TLR10: variants seen among roughly 807,000 people sequenced by gnomAD.
TLR10 encodes toll like receptor 10, also known as toll-like receptor 10.
For missense variants in TLR10, 929 were observed against 932.9 expected, an observed-to-expected ratio of 1.00 and a Z score of 0.05; for synonymous variants, 288 against 338.8, an observed-to-expected ratio of 0.85 and a Z score of 1.65.
intron 1 of TLR10, among the ~76,000 whole-genome samples, chr4:38,777,815 G>T (rs1183876539): frequency 6.6e-6 from 1 of 152,170 alleles, no homozygotes; most frequent in Non-Finnish European, 1.5e-5. Context: ...GCTGGAGAGG[G>T]TGTAGAGAAA....
rs1724731967 is a variant in TLR10 at position 38,773,070 on chromosome 4, A to G, written c.*85T>C. Reference sequence around the variant, plus strand: ...ATAACCATTTTTTATTTTAATAAATATTGTCAAATTGCCATCATAAAGGTT... The same window carrying G: ...ATAACCATTTTTTATTTTAATAAATGTTGTCAAATTGCCATCATAAAGGTT... On this transcript the variant is annotated 3_prime_UTR_variant, in exon 4 of 4. Coordinates refer to ENST00000308973, the MANE Select transcript of TLR10 (RefSeq NM_030956.4). 2 of 1,261,212 alleles carry G rather than the reference A, an allele frequency of 1.6e-6. No individual in the cohort carries two copies. The highest frequency in any genetic ancestry group is 1.0e-6 in the Non-Finnish European group (1 of 959,314). The allele number at this position is 1,261,212 out of a possible 1,614,324, so 78.1% of individuals were successfully genotyped here.
chr4:38,772,830 C>CCAGGA lies in TLR10; in HGVS notation c.*320_*324dup, dbSNP rs1361633872. On this transcript the variant is annotated 3_prime_UTR_variant, in exon 4 of 4. Transcript: ENST00000308973. Reference sequence around the variant, plus strand: ...TAGAGACAGGGTTTCACCATGTTGGCCAGGATGGTCTCCATCTCTTGACCT... The same window carrying CCAGGA: ...TAGAGACAGGGTTTCACCATGTTGGCCAGGACAGGATGGTCTCCATCTCTTGACCT... 2 of 162,870 alleles carry CCAGGA rather than the reference C, an allele frequency of 1.2e-5. No individual in the cohort carries two copies. The highest frequency in any genetic ancestry group is 3.5e-4 in the East Asian group (2 of 5,720). 10.1% of individuals were successfully genotyped at this position (162,870 alleles called of 1,614,324 possible).
Position 38,772,934 on chromosome 4 carries a change from T to G in TLR10, c.*221A>C. 1 of 353,470 alleles carries G rather than the reference T, an allele frequency of 2.8e-6. No individual in the cohort carries two copies. The allele number at this position is 353,470 out of a possible 1,614,324, so 21.9% of individuals were successfully genotyped here. Reference sequence around the variant, plus strand: ...CTGCACCTGGCCACATTTTTCATGATTATAAACAATCCTGGGATGAACACC... The same window carrying G: ...CTGCACCTGGCCACATTTTTCATGAGTATAAACAATCCTGGGATGAACACC... On this transcript the variant is annotated 3_prime_UTR_variant, in exon 4 of 4. Coordinates refer to ENST00000308973, the MANE Select transcript of TLR10 (RefSeq NM_030956.4).
In TLR10 at chr4:38,779,693, T is replaced by A. The variant is rs187288918; in HGVS notation, c.-569+3228A>T. Among the ~76,000 whole-genome samples the A allele has an allele frequency of 9.4e-4, 143 of 152,364 alleles. 1 individual carries two copies. Among genetic ancestry groups the A allele is most frequent in the South Asian group, 7.7e-3 (37 of 4,834 alleles). The stretch of plus-strand genomic sequence containing the variant: ...ATCCAATGTATAATGATAAACTTTA[T>A]ATTTTCTTTCAGTTTTCTTAAAACT... On this transcript the variant is annotated intron_variant, in intron 1 of 3. Coordinates refer to ENST00000308973, the MANE Select transcript of TLR10 (RefSeq NM_030956.4).
At chr4:38,779,955 T>C (rs1160301236) in intron 1 of TLR10, among the ~76,000 whole-genome samples, 1 of 152,212 alleles carries the variant, frequency 6.6e-6, no homozygotes, top group East Asian at 1.9e-4. Flanking sequence ...GCTTGTTGAA[T>C]GCACATATGA....
Position 38,775,091 on chromosome 4 carries a change from A to C in TLR10, c.500T>G (p.Leu167Arg). The change falls in exon 4 of 4, where the codon CTA (leucine) becomes CGA (arginine). Residue 167 changes from leucine to arginine, a missense_variant. Leu to Arg is a moderately radical substitution (Grantham distance 102). Transcript: ENST00000308973. The stretch of plus-strand genomic sequence containing the variant: ...TCTGAATCCTAAGAAGACAGTATTT[A>C]GATGCAGATGAGCAATTTTCTGGAA... ...SDFQKIAHLH[L>R]NTVFLGFRTL... The C allele has an allele frequency of 6.2e-7, 1 of 1,613,088 alleles. No homozygotes were observed. Among genetic ancestry groups the C allele is most frequent in the Non-Finnish European group, 8.5e-7 (1 of 1,180,002 alleles).
Position 38,775,646 on chromosome 4 carries a change from C to T in TLR10, c.-56G>A. ...CTCATATGAATGATGAAGATGAGCT[C>T]AAAACCCTAAAAAAAAGTATATAAT... On this transcript the variant is annotated 5_prime_UTR_variant, in exon 4 of 4. Coordinates refer to ENST00000308973, the MANE Select transcript of TLR10 (RefSeq NM_030956.4). The T allele has an allele frequency of 6.9e-7, 1 of 1,459,724 alleles. No homozygotes were observed. The highest frequency in any genetic ancestry group is 1.4e-5 in the African/African-American group (1 of 70,158). 90.4% of individuals were successfully genotyped at this position (1,459,724 alleles called of 1,614,324 possible).
chr4:38,782,516 C>A (rs1039612756), intron 1 of TLR10, among the ~76,000 whole-genome samples: 3 of 152,168 alleles, frequency 2.0e-5, no homozygotes, highest in African/African-American at 7.2e-5. Flanking sequence ...AAACAGGTAA[C>A]ACAAATGCAG....
rs1724974886 is a variant in TLR10, at chr4:38,775,209, C to T, written c.382G>A (p.Asp128Asn). 1 of 1,612,698 alleles carries T rather than the reference C, an allele frequency of 6.2e-7. No individual in the cohort carries two copies. Among genetic ancestry groups the T allele is most frequent in the South Asian group, 1.1e-5 (1 of 90,732 alleles). ...GLRYLDLSFN[D>N]FDTMPICEEA... ...TCACAGATAGGCATGGTGTCAAAGTCATTAAAAGAAAGATCTAAATACCTG... is the reference window on the plus strand; with the variant it reads ...TCACAGATAGGCATGGTGTCAAAGTTATTAAAAGAAAGATCTAAATACCTG... The change falls in exon 4 of 4, where the codon GAC (aspartate) becomes AAC (asparagine). Residue 128 changes from aspartate to asparagine, a missense_variant. Physicochemically the swap from Asp to Asn is conservative, Grantham distance 23. Coordinates refer to ENST00000308973, the MANE Select transcript of TLR10 (RefSeq NM_030956.4).
rs561684981 is a variant in TLR10, at chr4:38,774,528, A to C, written c.1063T>G (p.Phe355Val). 6.3e-7 allele frequency: 1 copy of C among 1,583,686 alleles called. No homozygotes were observed. The highest frequency in any genetic ancestry group is 2.2e-5 in the East Asian group (1 of 44,640). Residue 355 changes from phenylalanine to valine, a missense_variant, in exon 4 of 4, where the codon TTT becomes GTT. By Grantham distance (50) the Phe-to-Val change is conservative (BLOSUM62 -1). Coordinates refer to ENST00000308973, the MANE Select transcript of TLR10 (RefSeq NM_030956.4). The part of the protein sequence containing the change: ...NYPTKFQYLN[F>V]ANNILTDELF... ...TCGTCTGTTAAGATATTATTGGCAA[A>C]ATTTAAATATTGGAATTTCGTAGGA... is the stretch of plus-strand genomic sequence containing the variant.
In TLR10 at chr4:38,773,361, T is replaced by A; in HGVS notation, c.2230A>T (p.Lys744Ter). ...TTTTTTTCCAGGAGAGCTTTCAGTT[T>A]ATGATACCTGGTGGGAATGCAATAG... ...PFYCIPTRYH[K>*]LKALLEKKAY... The change falls in exon 4 of 4, where the codon AAA (lysine) becomes TAA (stop). Residue 744 changes from lysine (K) to a stop codon, truncating the protein, a stop_gained. Transcript: ENST00000308973. LOFTEE classifies it low-confidence loss of function (END_TRUNC). 6.2e-7 allele frequency: 1 copy of A among 1,614,114 alleles called. No homozygotes were observed. The highest frequency in any genetic ancestry group is 8.5e-7 in the Non-Finnish European group (1 of 1,180,010).
intron 1 of TLR10, among the ~76,000 whole-genome samples, chr4:38,780,796 A>G (rs985062736): frequency 6.6e-6 from 1 of 152,242 alleles, no homozygotes; most frequent in African/African-American, 2.4e-5. Flanking sequence ...CAGGATCAGT[A>G]TTGCTGATTG....
At chr4:38,782,808 C>T (rs992881170) in intron 1 of TLR10, 113 bp downstream of exon 1, 2 of 152,198 alleles carry the variant, frequency 1.3e-5, no homozygotes, top group African/African-American at 4.8e-5. Flanking sequence ...ATCTAAATAA[C>T]CCTACTTCCC....
In TLR10 at chr4:38,774,976, A is replaced by G; in HGVS notation, c.615T>C (p.Val205=). ...AAGTCTTGATTCCATCACGCAAAAGAACCCAGAAATTTGTGTCCATTGGTA... is the reference window on the plus strand; with the variant it reads ...AAGTCTTGATTCCATCACGCAAAAGGACCCAGAAATTTGTGTCCATTGGTA... The part of the protein sequence containing the change: ...IVLPMDTNFW[V]LLRDGIKTSK... Residue 205 remains valine (V), a synonymous_variant, in exon 4 of 4, where the codon GTT becomes GTC. Coordinates refer to ENST00000308973, the MANE Select transcript of TLR10 (RefSeq NM_030956.4). 1 of 1,613,536 alleles carries G rather than the reference A, an allele frequency of 6.2e-7. No homozygotes were observed. The highest frequency in any genetic ancestry group is 8.5e-7 in the Non-Finnish European group (1 of 1,179,862).
chr4:38,782,399 C>G (rs1302252647), intron 1 of TLR10, among the ~76,000 whole-genome samples: 1 of 152,200 alleles, frequency 6.6e-6, no homozygotes, highest in Non-Finnish European at 1.5e-5. Flanking sequence ...AGGTTGTTAA[C>G]CATCCTCTTC....
In TLR10 at chr4:38,774,404, T is replaced by C. The variant is rs1462205355; in HGVS notation, c.1187A>G (p.Asn396Ser). ...CAGATCCAAGTGTTCCAAGGGTGTG[T>C]TGTTAGCAAAGCAACTTACTAAAGA... Reference protein sequence around the residue: ...TLSLVSCFANNTPLEHLDLSQ... With the variant: ...TLSLVSCFANSTPLEHLDLSQ... The change falls in exon 4 of 4, where the codon AAC becomes AGC. Residue 396 changes from asparagine to serine, a missense_variant. Asn to Ser is a conservative substitution (Grantham distance 46). Transcript: ENST00000308973. The C allele has an allele frequency of 1.2e-6, 2 of 1,613,348 alleles. No individual in the cohort carries two copies. The highest frequency in any genetic ancestry group is 4.5e-5 in the East Asian group (2 of 44,870).
chr4:38,777,229 TCTTCATG>T (rs1344137664), intron 1 of TLR10, among the ~76,000 whole-genome samples: 1 of 152,180 alleles, frequency 6.6e-6, no homozygotes, highest in African/African-American at 2.4e-5. Flanking sequence ...CTGATAGTGA[TCTTCATG>T]CAGAAATCTA....
chr4:38,779,518 T>A (rs988421627), intron 1 of TLR10, among the ~76,000 whole-genome samples: 1 of 152,240 alleles, frequency 6.6e-6, no homozygotes, highest in African/African-American at 2.4e-5. Context: ...GAATATTCTA[T>A]TTAATTAACT....
At chr4:38,778,634 T>C (rs972907218) in intron 1 of TLR10, among the ~76,000 whole-genome samples, 5 of 152,118 alleles carry the variant, frequency 3.3e-5, no homozygotes, top group Admixed American at 3.3e-4. Flanking sequence ...TAACTCTACG[T>C]GTCCCCACAC....
Sources: gnomAD v4.1 joint callset for allele counts (sites outside exome capture counted in the v4.1 genomes callset) on GRCh38, gnomAD v4.1.1 for gene constraint, MANE v1.5 for transcripts, NCBI Gene and HGNC (gene_info 2026-07-23, HGNC 2026-07-21) for gene names.